The following EPB41 variants were observed in gnomAD, a reference collection of about 807,000 sequenced individuals.
EPB41 encodes protein 4.1.
A neutral mutation model predicts 108.0 loss-of-function variants in EPB41; 65 were observed. That is an observed-to-expected ratio of 0.60 (90% CI 0.49 to 0.74). The LOEUF (loss-of-function observed/expected upper bound fraction) is 0.74. Among genes scored for constraint, EPB41 ranks in the 30% least tolerant of loss-of-function variants. The pLI, the probability that EPB41 is intolerant of heterozygous loss-of-function variation, is 0.00. For missense variants in EPB41, 875 were observed against 1,037.0 expected (o/e 0.84, Z 2.15); for synonymous variants, 336 against 358.9 (o/e 0.94, Z 0.72).
intron 3 of EPB41, 112 bp downstream of exon 3, chr1:28,993,654 TTTC>T: frequency 1.1e-6 from 1 of 906,746 alleles, no homozygotes; most frequent in Non-Finnish European, 1.6e-6. Context: ...TTATTTCTTT[TTTC>T]TTTTTTTTTT....
intron 1 of EPB41, among the ~76,000 whole-genome samples, chr1:28,979,687 T>C (rs2095689593): frequency 6.9e-6 from 1 of 144,638 alleles, no homozygotes. Context: ...CTTTGGCTAA[T>C]GGATGGTACT....
chr1:28,915,068 G>C (rs1480583862), intron 1 of EPB41, among the ~76,000 whole-genome samples: 1 of 152,208 alleles, frequency 6.6e-6, no homozygotes, highest in African/African-American at 2.4e-5. Context: ...GTCCCCTCGG[G>C]TGCGTCAATC....
chr1:28,974,107 C>G (rs1392391581), intron 1 of EPB41, among the ~76,000 whole-genome samples: 1 of 152,192 alleles, frequency 6.6e-6, no homozygotes, highest in African/African-American at 2.4e-5. Flanking sequence ...TCATTATCTT[C>G]TAGCTCTGAC....
intron 5 of EPB41, 64 bp downstream of exon 5, chr1:29,011,971 C>G: frequency 6.4e-7 from 1 of 1,568,144 alleles, no homozygotes; most frequent in Non-Finnish European, 8.8e-7. Flanking sequence ...GATTTCCAAC[C>G]ATTTCTGGCT....
At chr1:28,950,300 C>T (rs1489985663) in intron 1 of EPB41, among the ~76,000 whole-genome samples, 1 of 152,154 alleles carries the variant, frequency 6.6e-6, no homozygotes, top group Non-Finnish European at 1.5e-5. Context: ...GTTATGTATC[C>T]AAGAAGCCAC....
intron 16 of EPB41, among the ~76,000 whole-genome samples, chr1:29,089,469 G>A (rs1215904933): frequency 6.6e-6 from 1 of 152,172 alleles, no homozygotes; most frequent in Non-Finnish European, 1.5e-5. Flanking sequence ...CATCCCCCAA[G>A]GATTTCATAG....
intron 1 of EPB41, among the ~76,000 whole-genome samples, chr1:28,907,678 T>C (rs1479241881): frequency 6.6e-6 from 1 of 151,996 alleles, no homozygotes; most frequent in South Asian, 2.1e-4. Flanking sequence ...GGTAGTGCGA[T>C]CATGGCTCAC....
At chr1:28,901,141 G>A (rs1006054404) in intron 1 of EPB41, among the ~76,000 whole-genome samples, 12 of 152,052 alleles carry the variant, frequency 7.9e-5, no homozygotes, top group Non-Finnish European at 1.3e-4. Flanking sequence ...GTGTTAGCCA[G>A]GATAGTCTCG....
At chr1:28,921,356 A>C (rs1024480266) in intron 1 of EPB41, among the ~76,000 whole-genome samples, 2 of 152,208 alleles carry the variant, frequency 1.3e-5, no homozygotes, top group Non-Finnish European at 2.9e-5. Flanking sequence ...ATATGTATTC[A>C]AGTGAAGAGT....
chr1:28,890,467 G>A (rs1436415348), intron 1 of EPB41, among the ~76,000 whole-genome samples: 1 of 152,114 alleles, frequency 6.6e-6, no homozygotes, highest in African/African-American at 2.4e-5. Context: ...AGTCTCTACG[G>A]GTCTTCCAGC....
chr1:29,068,898 G>A (rs942557205), intron 16 of EPB41: 1 of 868,520 alleles, frequency 1.2e-6, no homozygotes, highest in African/African-American at 1.7e-5. Flanking sequence ...TTTTTCTTTT[G>A]GCTATACTAG....
At chr1:29,031,563 A>G (rs2096789509) in intron 8 of EPB41, among the ~76,000 whole-genome samples, 1 of 152,154 alleles carries the variant, frequency 6.6e-6, no homozygotes, top group African/African-American at 2.4e-5. Flanking sequence ...TGCACATTTC[A>G]GGCCCCATCC....
At chr1:28,930,423 C>T (rs2093682533) in intron 1 of EPB41, among the ~76,000 whole-genome samples, 1 of 151,740 alleles carries the variant, frequency 6.6e-6, no homozygotes, top group Admixed American at 6.6e-5. Flanking sequence ...CTTCCTCAGC[C>T]TCCCAAAGTG....
At chr1:28,940,952 A>G (rs116836168) in intron 1 of EPB41, among the ~76,000 whole-genome samples, 2,731 of 152,316 alleles carry the variant, frequency 0.018, 41 homozygotes, top group South Asian at 0.035. Context: ...TTGATCACCT[A>G]TTTATTACCT....
chr1:28,957,074 G>A (rs2094981204), intron 1 of EPB41, among the ~76,000 whole-genome samples: 1 of 152,252 alleles, frequency 6.6e-6, no homozygotes, highest in African/African-American at 2.4e-5. Context: ...GTTGAATCTG[G>A]AGTAAGTCAG....
At chr1:28,915,926 C>T (rs2092624393) in intron 1 of EPB41, among the ~76,000 whole-genome samples, 1 of 151,930 alleles carries the variant, frequency 6.6e-6, no homozygotes, top group Non-Finnish European at 1.5e-5. Context: ...TCAGTCCTGG[C>T]AAAAATTTTA....
intron 17 of EPB41, among the ~76,000 whole-genome samples, chr1:29,102,680 C>T (rs868693413): frequency 4.6e-5 from 7 of 152,008 alleles, no homozygotes; most frequent in Admixed American, 1.3e-4. Flanking sequence ...CTCTGCCTCC[C>T]GAGTTCAAGT....
chr1:29,104,070 C>G (rs1302984429), intron 17 of EPB41, among the ~76,000 whole-genome samples: 1 of 152,174 alleles, frequency 6.6e-6, no homozygotes, highest in Non-Finnish European at 1.5e-5. Context: ...TGCCCTGTCA[C>G]TAGTGTGCAG....
rs146411589 is a variant in EPB41, at chr1:29,086,231, T to A, written c.2185-11576T>A. ...AAACAAAAAGATCGTTTGCAATCCC[T>A]TGATTATTAATATTTTAGTACACCT... On this transcript the variant is annotated intron_variant, in intron 16 of 20. Transcript: ENST00000343067. Among the ~76,000 whole-genome samples the A allele has an allele frequency of 4.5e-3, 688 of 151,976 alleles. 4 individuals carry two copies. The highest frequency in any genetic ancestry group is 0.016 in the African/African-American group (651 of 41,510).
Sources: allele counts gnomAD v4.1 joint callset (sites outside exome capture counted in the v4.1 genomes callset), GRCh38; gene constraint gnomAD v4.1.1; transcripts MANE v1.5; gene names NCBI Gene and HGNC (gene_info 2026-07-23, HGNC 2026-07-21).